Variants in NRP2 observed in about 807,000 individuals in gnomAD.
NRP2 encodes neuropilin-2.
A neutral mutation model predicts 110.4 loss-of-function variants in NRP2; 52 were observed. The ratio of observed to expected loss-of-function variants is 0.47; its 90% CI spans 0.38 to 0.59. The LOEUF is 0.59. Among genes scored for constraint, NRP2 ranks in the 20% least tolerant of loss-of-function variants. The pLI is 0.00. For synonymous variants in NRP2, 508 were observed against 468.9 expected (o/e 1.08, Z -1.08); for missense variants, 1,049 against 1,203.0 (o/e 0.87, Z 1.89).
chr2:205,791,740 A>G (rs751340560), intron 15 of NRP2, among the ~76,000 whole-genome samples: 1 of 151,474 alleles, frequency 6.6e-6, no homozygotes, highest in Non-Finnish European at 1.5e-5. Context: ...CTGCTCTTAA[A>G]TTAAAACATA....
chr2:205,711,585 A>T (rs1364213910), intron 2 of NRP2, among the ~76,000 whole-genome samples: 2 of 152,286 alleles, frequency 1.3e-5, no homozygotes, highest in East Asian at 1.9e-4. Context: ...CATATACAAA[A>T]TGTCTTCAAC....
chr2:205,784,754 C>T (rs2058217457), intron 15 of NRP2, among the ~76,000 whole-genome samples: 1 of 152,184 alleles, frequency 6.6e-6, no homozygotes, highest in South Asian at 2.1e-4. Context: ...CTGCACCTTC[C>T]CCTTCTCTTG....
At chr2:205,790,648 GTTT>G (rs56812222) in intron 15 of NRP2, among the ~76,000 whole-genome samples, 2 of 145,116 alleles carry the variant, frequency 1.4e-5, no homozygotes, top group African/African-American at 5.1e-5. Flanking sequence ...TTTCTTCCAT[GTTT>G]TTTTTTTTTT....
At chr2:205,748,352 T>TC (rs1255249073) in intron 10 of NRP2, among the ~76,000 whole-genome samples, 2 of 152,218 alleles carry the variant, frequency 1.3e-5, no homozygotes, top group African/African-American at 2.4e-5. Flanking sequence ...CAGGGCTGCT[T>TC]CACCTGTTAG....
chr2:205,704,584 C>T (rs2056635043), intron 2 of NRP2, among the ~76,000 whole-genome samples: 1 of 152,198 alleles, frequency 6.6e-6, no homozygotes, highest in Non-Finnish European at 1.5e-5. Context: ...AGGGTCCACC[C>T]AGCAACTCCA....
intron 2 of NRP2, chr2:205,701,381 CAA>C (rs765663362): frequency 3.3e-5 from 5 of 151,586 alleles, no homozygotes; most frequent in Admixed American, 3.3e-4. Context: ...ACTAAAAATA[CAA>C]AAAAAATTAG....
intron 15 of NRP2, among the ~76,000 whole-genome samples, chr2:205,773,349 T>C (rs1235370098): frequency 6.6e-6 from 1 of 152,216 alleles, no homozygotes; most frequent in Non-Finnish European, 1.5e-5. Context: ...TAACGTTATT[T>C]CTAACCTCTT....
chr2:205,795,041 T>G lies in NRP2; in HGVS notation c.2764T>G (p.Cys922Gly). 4 of 1,614,128 alleles carry G rather than the reference T, an allele frequency of 2.5e-6. No homozygotes were observed. The highest frequency in any genetic ancestry group is 3.4e-6 in the Non-Finnish European group (4 of 1,180,016). Residue 922 changes from cysteine (C) to glycine (G), a missense_variant, in exon 17 of 17, where the codon TGC becomes GGC. Transcript: ENST00000357785. ...KHKVKMNHQK[C>G]CSEA ...CAAGGTCAAGATGAACCACCAAAAGTGCTGCTCCGAGGCATGACGGATTGC... is the reference window on the plus strand; with the variant it reads ...CAAGGTCAAGATGAACCACCAAAAGGGCTGCTCCGAGGCATGACGGATTGC...
At chr2:205,722,144 C>CT (rs1575586426) in intron 3 of NRP2, 8 of 337,992 alleles carry the variant, frequency 2.4e-5, no homozygotes, top group East Asian at 6.0e-5. Context: ...TCAAGAGAAT[C>CT]CCTCTCTCTC....
chr2:205,776,098 G>A (rs72941295), intron 15 of NRP2: 3 of 819,690 alleles, frequency 3.7e-6, no homozygotes, highest in South Asian at 1.3e-5. Context: ...TGCTTGGCAG[G>A]TGCTAAGGAC....
chr2:205,765,807 A>G (rs1238111554), intron 14 of NRP2: 4 of 647,766 alleles, frequency 6.2e-6, no homozygotes, highest in Non-Finnish European at 1.2e-5. Context: ...ATAGACATGC[A>G]CTAAGTACAT....
chr2:205,784,540 C>A (rs568567987), intron 15 of NRP2, among the ~76,000 whole-genome samples: 1 of 152,230 alleles, frequency 6.6e-6, no homozygotes, highest in Middle Eastern at 3.4e-3. Context: ...ATGCCTCATT[C>A]GCCTTGGCCA....
At chr2:205,750,533 T>C (rs1298530972) in intron 11 of NRP2, among the ~76,000 whole-genome samples, 1 of 152,152 alleles carries the variant, frequency 6.6e-6, no homozygotes, top group Non-Finnish European at 1.5e-5. Context: ...ATCTTCGGAG[T>C]ATATCCAAGT....
chr2:205,731,677 A>T (rs2057243536), intron 7 of NRP2, among the ~76,000 whole-genome samples: 1 of 152,180 alleles, frequency 6.6e-6, no homozygotes, highest in Non-Finnish European at 1.5e-5. Flanking sequence ...GGCTATTCTG[A>T]TGCATTTGGA....
intron 1 of NRP2, among the ~76,000 whole-genome samples, chr2:205,695,726 A>G (rs1388275194): frequency 6.6e-6 from 1 of 152,180 alleles, no homozygotes; most frequent in Non-Finnish European, 1.5e-5. Flanking sequence ...CTGGTGATCT[A>G]TGTCCTCACA....
chr2:205,734,404 C>A (rs1264682433), intron 7 of NRP2, among the ~76,000 whole-genome samples: 1 of 116,064 alleles, frequency 8.6e-6, no homozygotes, highest in Admixed American at 9.3e-5. Flanking sequence ...CCACCGCCCC[C>A]CCCCACCCCG....
intron 12 of NRP2, 100 bp downstream of exon 12, chr2:205,753,075 A>T: frequency 2.1e-6 from 3 of 1,463,126 alleles, no homozygotes; most frequent in Non-Finnish European, 2.9e-6. Flanking sequence ...TTCCCACCGC[A>T]CAGCAATCCT....
At chr2:205,719,500 C>T (rs1040596588) in intron 3 of NRP2, among the ~76,000 whole-genome samples, 6 of 150,464 alleles carry the variant, frequency 4.0e-5, no homozygotes, top group African/African-American at 7.4e-5. Flanking sequence ...AATTTTTAAA[C>T]GTAAAATGTC....
intron 2 of NRP2, among the ~76,000 whole-genome samples, chr2:205,709,478 GTTA>G (rs2056754861): frequency 6.6e-6 from 1 of 152,208 alleles, no homozygotes. Flanking sequence ...GGTGGAGACT[GTTA>G]TTATGTCCAT....
Sources: gnomAD v4.1 joint callset for allele counts (sites outside exome capture counted in the v4.1 genomes callset) on GRCh38, gnomAD v4.1.1 for gene constraint, MANE v1.5 for transcripts, NCBI Gene and HGNC (gene_info 2026-07-23, HGNC 2026-07-21) for gene names.